Variants in EXOSC7 observed in about 807,000 individuals in gnomAD.
EXOSC7 encodes exosome component 7.
EXOSC7 carries 25 observed loss-of-function variants against 34.3 expected under a neutral mutation model. The ratio of observed to expected loss-of-function variants is 0.73; its 90% CI spans 0.53 to 1.02. The LOEUF is 1.02. Among genes scored for constraint, EXOSC7 ranks in the 50% least tolerant of loss-of-function variants. EXOSC7 has a pLI of 0.00. For missense variants in EXOSC7, 370 were observed against 368.5 expected (o/e 1.00, Z -0.03); for synonymous variants, 130 against 143.0 (o/e 0.91, Z 0.65).
At chr3:45,004,977 C>CTTTCT in intron 5 of EXOSC7, 1 of 235,082 alleles carries the variant, frequency 4.3e-6, no homozygotes, top group Non-Finnish European at 8.4e-6. Flanking sequence ...ATTGTCTTGT[C>CTTTCT]TTTTATTTTT....
At chr3:44,991,951 T>C (rs1559745510) in intron 3 of EXOSC7, among the ~76,000 whole-genome samples, 1 of 152,174 alleles carries the variant, frequency 6.6e-6, no homozygotes, top group South Asian at 2.1e-4. Flanking sequence ...AGAATCACCA[T>C]GAGAGAGTCA....
At chr3:44,988,294 G>T (rs762605562) in intron 1 of EXOSC7, among the ~76,000 whole-genome samples, 8 of 152,192 alleles carry the variant, frequency 5.3e-5, no homozygotes, top group Non-Finnish European at 8.8e-5. Flanking sequence ...ACTTTGAGCA[G>T]CAAAATAACT....
At chr3:45,006,811 C>T (rs62243540) in intron 6 of EXOSC7, among the ~76,000 whole-genome samples, 13,818 of 148,698 alleles carry the variant, frequency 0.093, 595 homozygotes, top group Middle Eastern at 0.18. Context: ...CCACCCGCCC[C>T]GGCTCAACCT....
At chr3:45,005,266 A>ATT in intron 5 of EXOSC7, 25 bp from the exon 6 acceptor site, 1 of 1,611,752 alleles carries the variant, frequency 6.2e-7, no homozygotes, top group Non-Finnish European at 8.5e-7. Context: ...CCAAGTGGGA[A>ATT]TTTTACTAGT....
At chr3:45,002,105 A>T in intron 5 of EXOSC7, 1 of 152,880 alleles carries the variant, frequency 6.5e-6, no homozygotes, top group East Asian at 1.9e-4. Flanking sequence ...GGAAATGGCT[A>T]TTCCACATGG....
At chr3:44,979,052 T>C (rs1413278202) in intron 1 of EXOSC7, among the ~76,000 whole-genome samples, 1 of 152,242 alleles carries the variant, frequency 6.6e-6, no homozygotes, top group Non-Finnish European at 1.5e-5. Flanking sequence ...TGCTCAGCTC[T>C]GTGTATCACA....
chr3:45,003,380 G>A (rs1163941324), intron 5 of EXOSC7, among the ~76,000 whole-genome samples: 1 of 151,692 alleles, frequency 6.6e-6, no homozygotes, highest in East Asian at 1.9e-4. Flanking sequence ...TGTGTAAATG[G>A]TTGACAACTT....
chr3:45,003,381 T>C (rs9874097), intron 5 of EXOSC7, among the ~76,000 whole-genome samples: 4,947 of 152,026 alleles, frequency 0.033, 241 homozygotes, highest in African/African-American at 0.11. Flanking sequence ...GTGTAAATGG[T>C]TGACAACTTG....
chr3:44,978,576 A>T (rs1185530952), intron 1 of EXOSC7, among the ~76,000 whole-genome samples: 3 of 152,224 alleles, frequency 2.0e-5, no homozygotes, highest in Admixed American at 6.5e-5. Flanking sequence ...TATGAAGGAA[A>T]AAACGGACAC....
chr3:44,991,880 C>G (rs1294090557), intron 3 of EXOSC7, among the ~76,000 whole-genome samples: 1 of 152,090 alleles, frequency 6.6e-6, no homozygotes, highest in Non-Finnish European at 1.5e-5. Flanking sequence ...GATGGACAGT[C>G]TCAAAGTGGC....
In EXOSC7 at chr3:45,001,474, G is replaced by A. The variant is rs1433116325; in HGVS notation, c.421-64G>A. 5 of 1,209,524 alleles carry A rather than the reference G, an allele frequency of 4.1e-6. No homozygotes were observed. The Admixed American group carries it at 5.1e-5, about 12-fold the overall frequency. The allele number at this position is 1,209,524 out of a possible 1,614,324, so 74.9% of individuals were successfully genotyped here. On this transcript the variant is annotated intron_variant, in intron 4 of 7. Coordinates refer to ENST00000265564, the MANE Select transcript of EXOSC7 (RefSeq NM_015004.4). The stretch of plus-strand genomic sequence containing the variant: ...AAAAAAGCAGTGTCCTTTAACTGGG[G>A]TAATACCTAAAGTAATAAGTGATGC...
chr3:44,989,677 T>C, intron 3 of EXOSC7, 33 bp downstream of exon 3: 1 of 1,483,662 alleles, frequency 6.7e-7, no homozygotes, highest in Non-Finnish European at 9.3e-7. Context: ...TTTCTAAAGA[T>C]AAATGATTTT....
chr3:44,994,710 C>G (rs936938319), intron 3 of EXOSC7, among the ~76,000 whole-genome samples: 2 of 152,098 alleles, frequency 1.3e-5, no homozygotes, highest in East Asian at 3.9e-4. Context: ...CCATCCCCCA[C>G]CCTGAACAAT....
chr3:44,995,909 C>T (rs1706708851), intron 3 of EXOSC7, among the ~76,000 whole-genome samples: 2 of 152,212 alleles, frequency 1.3e-5, no homozygotes, highest in South Asian at 4.1e-4. Flanking sequence ...TTTGCTTTGC[C>T]TGGAATCTTC....
At chr3:45,007,299 G>A in intron 6 of EXOSC7, 121 bp from the exon 7 acceptor site, 1 of 986,216 alleles carries the variant, frequency 1.0e-6, no homozygotes, top group Non-Finnish European at 1.5e-6. Flanking sequence ...TCTAAAATAA[G>A]ACCTGGAATG....
chr3:45,011,931 CTT>C (rs1697297368), downstream of EXOSC7, among the ~76,000 whole-genome samples: 1 of 152,204 alleles, frequency 6.6e-6, no homozygotes, highest in African/African-American at 2.4e-5. Flanking sequence ...TCTTATCACT[CTT>C]GTTTTGAAAT....
intron 6 of EXOSC7, among the ~76,000 whole-genome samples, chr3:45,006,288 G>C (rs568085780): frequency 6.6e-6 from 1 of 151,338 alleles, no homozygotes. Context: ...ATGTTGGCCA[G>C]GCTGGTCTCA....
At chr3:45,008,843 T>A (rs146953148) in intron 7 of EXOSC7, among the ~76,000 whole-genome samples, 24 of 152,384 alleles carry the variant, frequency 1.6e-4, no homozygotes, top group African/African-American at 5.5e-4. Flanking sequence ...GAGAATTTCT[T>A]TAAACAGCAA....
At chr3:44,984,211 C>G (rs1241852363) in intron 1 of EXOSC7, among the ~76,000 whole-genome samples, 1 of 152,194 alleles carries the variant, frequency 6.6e-6, no homozygotes, top group Non-Finnish European at 1.5e-5. Flanking sequence ...TGGCGCATGC[C>G]TGTAATCCCA....
Sources: allele counts gnomAD v4.1 joint callset (sites outside exome capture counted in the v4.1 genomes callset), GRCh38; gene constraint gnomAD v4.1.1; transcripts MANE v1.5; gene names NCBI Gene and HGNC (gene_info 2026-07-23, HGNC 2026-07-21).